ESRP1: variants seen among roughly 807,000 people sequenced by gnomAD.
ESRP1 encodes the protein RNA-binding motif protein 35A.
ESRP1 carries 33 observed loss-of-function variants against 81.7 expected under a neutral mutation model. That is an observed-to-expected ratio of 0.40 (90% CI 0.31 to 0.54). The LOEUF (loss-of-function observed/expected upper bound fraction) is 0.54. Ranked by LOEUF, ESRP1 falls within the 20% of genes least tolerant of loss-of-function variation. The pLI is 0.41. For synonymous variants in ESRP1, 320 were observed against 303.3 expected (o/e 1.06, Z -0.57); for missense variants, 672 against 833.1 (o/e 0.81, Z 2.38).
In ESRP1 at chr8:94,692,861, C is replaced by G. The variant is rs749149045; in HGVS notation, c.1971+34C>G. On this transcript the variant is annotated intron_variant, in intron 14 of 15. Coordinates refer to ENST00000433389, the MANE Select transcript of ESRP1 (RefSeq NM_017697.4). ...CTTGAAGGAGAATAATCCTCAGTGC[C>G]CTTATTACTTAAGTTGATTTGCCTA... 26 of 1,594,302 alleles carry G rather than the reference C, an allele frequency of 1.6e-5. No homozygotes were observed. The Admixed American group carries it at 1.7e-4, about 11-fold the overall frequency.
At chr8:94,650,030 C>T (rs896942249) in intron 4 of ESRP1, among the ~76,000 whole-genome samples, 10 of 152,132 alleles carry the variant, frequency 6.6e-5, no homozygotes, top group African/African-American at 1.2e-4. Flanking sequence ...CTCTCCTTCT[C>T]TCCCCGTGCC....
intron 4 of ESRP1, among the ~76,000 whole-genome samples, chr8:94,656,837 T>C (rs979867965): frequency 6.6e-6 from 1 of 152,260 alleles, no homozygotes; most frequent in Non-Finnish European, 1.5e-5. Context: ...ATGTATTACC[T>C]TATTAAAAAC....
chr8:94,682,927 TATATA>T (rs1453664289), intron 13 of ESRP1, among the ~76,000 whole-genome samples: 22 of 39,796 alleles, frequency 5.5e-4, no homozygotes, highest in African/African-American at 1.3e-3. Context: ...TATATATATA[TATATA>T]TTTTTTTTTT....
chr8:94,697,013 A>G, intron 15 of ESRP1, 52 bp downstream of exon 15: 1 of 1,215,982 alleles, frequency 8.2e-7, no homozygotes, highest in Non-Finnish European at 1.1e-6. Context: ...ACAGAGATCA[A>G]GATTCTGAAG....
chr8:94,667,330 CA>C (rs1400135933), intron 9 of ESRP1, among the ~76,000 whole-genome samples: 2 of 150,932 alleles, frequency 1.3e-5, no homozygotes, highest in Non-Finnish European at 1.5e-5. Context: ...CAACACTGTA[CA>C]AAATGTTTTA....
intron 3 of ESRP1, among the ~76,000 whole-genome samples, chr8:94,645,172 G>A (rs1394335547): frequency 6.6e-6 from 1 of 152,140 alleles, no homozygotes; most frequent in East Asian, 1.9e-4. Flanking sequence ...CTGTGACCAT[G>A]ATGCAGCAAT....
intron 4 of ESRP1, among the ~76,000 whole-genome samples, chr8:94,661,667 G>A (rs1160364033): frequency 6.6e-6 from 1 of 152,214 alleles, no homozygotes; most frequent in Non-Finnish European, 1.5e-5. Flanking sequence ...ACATTGGCCT[G>A]TGTTGGCTCT....
At chr8:94,648,134 G>A (rs1233126865) in intron 4 of ESRP1, among the ~76,000 whole-genome samples, 1 of 152,206 alleles carries the variant, frequency 6.6e-6, no homozygotes, top group East Asian at 1.9e-4. Context: ...GCATGAGACT[G>A]TAGTCCTAGC....
chr8:94,663,964 G>T (rs1048660486), intron 6 of ESRP1, among the ~76,000 whole-genome samples: 1 of 152,046 alleles, frequency 6.6e-6, no homozygotes, highest in Non-Finnish European at 1.5e-5. Flanking sequence ...CCTCATGTGG[G>T]TTAATTGTCA....
chr8:94,652,195 C>T (rs556145835), intron 4 of ESRP1, among the ~76,000 whole-genome samples: 73 of 151,100 alleles, frequency 4.8e-4, no homozygotes, highest in African/African-American at 1.6e-3. Context: ...ACCATGTTGG[C>T]GAGGCTGGTC....
intron 10 of ESRP1, among the ~76,000 whole-genome samples, chr8:94,668,789 A>G (rs74475796): frequency 0.17 from 23,765 of 143,818 alleles, 2,384 homozygotes; most frequent in Non-Finnish European, 0.23. Flanking sequence ...AGCTTTCAGC[A>G]TGTGTGTGTG....
chr8:94,679,849 C>A (rs991090988), intron 13 of ESRP1, among the ~76,000 whole-genome samples: 3 of 152,022 alleles, frequency 2.0e-5, no homozygotes, highest in Non-Finnish European at 4.4e-5. Context: ...ACTGTCTAAT[C>A]GTTCCTTCTT....
At chr8:94,691,234 G>A (rs909832443) in intron 13 of ESRP1, among the ~76,000 whole-genome samples, 2 of 152,014 alleles carry the variant, frequency 1.3e-5, no homozygotes, top group East Asian at 1.9e-4. Context: ...TTTTTAATTT[G>A]TTGGGGTAGT....
Position 94,641,288 on chromosome 8 carries a change from A to ACCCCCCCCCCCCC in ESRP1, c.-24_-23insCCCCCCCCCCCCC. On this transcript the variant is annotated 5_prime_UTR_variant, in exon 1 of 16. Transcript: ENST00000433389. ...TTCCACACCACCTTACCGCCTCCCG[A>ACCCCCCCCCCCCC]CCCCCCCTCTCCCCCTCCCCACCTA... 9.7e-7 allele frequency: 1 copy of ACCCCCCCCCCCCC among 1,030,374 alleles called. No individual in the cohort carries two copies. Among genetic ancestry groups the ACCCCCCCCCCCCC allele is most frequent in the Admixed American group, 1.8e-5 (1 of 55,172 alleles). 63.8% of individuals were successfully genotyped at this position (1,030,374 alleles called of 1,614,324 possible).
In ESRP1 at chr8:94,671,643, A is replaced by G; in HGVS notation, c.1424A>G (p.His475Arg). ...LGEFATDIRT[H>R]GVHMVLNHQG... ...GAGTTCGCCACAGATATTCGTACTC[A>G]TGGGGTTCACATGGTTTTGAATCAC... Residue 475 changes from histidine (H) to arginine (R), a missense_variant, in exon 11 of 16, where the codon CAT becomes CGT. His to Arg is a conservative substitution (Grantham distance 29). Coordinates refer to ENST00000433389, the MANE Select transcript of ESRP1 (RefSeq NM_017697.4). 6.2e-7 allele frequency: 1 copy of G among 1,613,894 alleles called. No individual in the cohort carries two copies. The highest frequency in any genetic ancestry group is 8.5e-7 in the Non-Finnish European group (1 of 1,179,862).
intron 1 of ESRP1, 124 bp from the exon 2 acceptor site, chr8:94,641,832 C>G: frequency 6.9e-7 from 1 of 1,456,510 alleles, no homozygotes; most frequent in Non-Finnish European, 9.1e-7. Flanking sequence ...GAGTCGAGAG[C>G]TTTGATTCTG....
At chr8:94,701,351 G>A (rs1809832368) in intron 15 of ESRP1, among the ~76,000 whole-genome samples, 1 of 151,434 alleles carries the variant, frequency 6.6e-6, no homozygotes, top group East Asian at 1.9e-4. Context: ...AACACCCACA[G>A]CGAGGTCTGG....
chr8:94,691,835 ATTATGAGTTTTAATTATATT>A (rs1473971115), intron 13 of ESRP1, among the ~76,000 whole-genome samples: 1 of 152,204 alleles, frequency 6.6e-6, no homozygotes, highest in Non-Finnish European at 1.5e-5. Flanking sequence ...TATATTTTCA[ATTATGAGTTTTAATTATATT>A]AAACTATATA....
At chr8:94,650,918 G>A (rs190386694) in intron 4 of ESRP1, among the ~76,000 whole-genome samples, 54 of 152,212 alleles carry the variant, frequency 3.5e-4, no homozygotes, top group African/African-American at 1.3e-3. Context: ...TGTTAGCCAG[G>A]ATGGTCTCGA....
Sources: gnomAD v4.1 joint callset for allele counts (sites outside exome capture counted in the v4.1 genomes callset) on GRCh38, gnomAD v4.1.1 for gene constraint, MANE v1.5 for transcripts, NCBI Gene and HGNC (gene_info 2026-07-23, HGNC 2026-07-21) for gene names.